Variants in MYOCD observed in about 807,000 individuals in gnomAD.
MYOCD encodes the protein myocardin.
In MYOCD, 32 loss-of-function variants were observed where a neutral mutation model predicts 96.1. The observed-to-expected ratio is 0.33, with a 90% CI of 0.25 to 0.45. The LOEUF (loss-of-function observed/expected upper bound fraction) is 0.45, where lower values mean the gene tolerates loss of function less well. Among genes scored for constraint, MYOCD ranks in the 20% least tolerant of loss-of-function variants. The pLI, the probability that MYOCD is intolerant of heterozygous loss-of-function variation, is 1.00. For synonymous variants in MYOCD, 469 were observed against 469.0 expected, an observed-to-expected ratio of 1.00 and a Z score of 0.00; for missense variants, 1,133 against 1,200.6, an observed-to-expected ratio of 0.94 and a Z score of 0.83.
rs200692645 is a variant in MYOCD, at chr17:12,737,263, GA to G, written c.591+936del. ...AGATTGAAACTCCATCTCAAAGGGG[GA>G]AAAAAAAAGAATAATGATGATTATG... On this transcript the variant is annotated intron_variant, in intron 6 of 13. Coordinates refer to ENST00000425538, the MANE Select transcript of MYOCD (RefSeq NM_001146312.3). Among the ~76,000 whole-genome samples, 223 of 150,594 alleles carry G rather than the reference GA, an allele frequency of 1.5e-3. 6 individuals carry two copies. In the East Asian group the frequency reaches 0.036, roughly 24 times the overall value.
At chr17:12,670,860 T>C (rs1271407836) in intron 1 of MYOCD, among the ~76,000 whole-genome samples, 1 of 152,232 alleles carries the variant, frequency 6.6e-6, no homozygotes, top group Non-Finnish European at 1.5e-5. Context: ...TTTTAATTTC[T>C]ACATGGAATG....
chr17:12,667,920 GAT>G (rs1567563590), intron 1 of MYOCD, among the ~76,000 whole-genome samples: 3 of 152,016 alleles, frequency 2.0e-5, no homozygotes, highest in African/African-American at 7.3e-5. Flanking sequence ...GGGAAAACAT[GAT>G]ATCACAGCAG....
chr17:12,702,957 C>T lies in MYOCD; in HGVS notation c.56-2171C>T, dbSNP rs539644603. ...ATATTTATTAATAGAGTTGCCATTT[C>T]TGACATTCTTTATTCATTCCTGAAT... is the stretch of plus-strand genomic sequence containing the variant. On this transcript the variant is annotated intron_variant, in intron 1 of 13. Coordinates refer to ENST00000425538, the MANE Select transcript of MYOCD (RefSeq NM_001146312.3). Among the ~76,000 whole-genome samples the T allele has an allele frequency of 2.0e-5, 3 of 152,040 alleles. No individual in the cohort carries two copies. The South Asian group carries it at 6.2e-4, about 32-fold the overall frequency.
intron 1 of MYOCD, among the ~76,000 whole-genome samples, chr17:12,689,312 G>A (rs1029201245): frequency 3.3e-5 from 5 of 152,132 alleles, no homozygotes; most frequent in Non-Finnish European, 5.9e-5. Flanking sequence ...TAACTTCTTG[G>A]AAAGAATCCT....
chr17:12,753,788 A>G (rs565363673), intron 10 of MYOCD, among the ~76,000 whole-genome samples: 2 of 152,264 alleles, frequency 1.3e-5, no homozygotes, highest in Non-Finnish European at 2.9e-5. Flanking sequence ...TCGGTGTCCA[A>G]CCTTATCATA....
intron 2 of MYOCD, among the ~76,000 whole-genome samples, chr17:12,712,851 A>C (rs913711737): frequency 2.0e-5 from 3 of 152,228 alleles, no homozygotes; most frequent in Non-Finnish European, 4.4e-5. Flanking sequence ...TTCTTTAAAT[A>C]CAAAATGTTG....
At chr17:12,680,018 T>C (rs1255128553) in intron 1 of MYOCD, among the ~76,000 whole-genome samples, 2 of 152,250 alleles carry the variant, frequency 1.3e-5, no homozygotes, top group Admixed American at 1.3e-4. Flanking sequence ...GCACTTGTTT[T>C]ATAGTCAGAA....
intron 6 of MYOCD, among the ~76,000 whole-genome samples, chr17:12,737,490 C>T (rs925349020): frequency 5.3e-5 from 8 of 152,004 alleles, no homozygotes; most frequent in African/African-American, 9.7e-5. Flanking sequence ...TCAGCCACGC[C>T]GGGGAAATCC....
chr17:12,718,896 G>A (rs137883783), intron 4 of MYOCD, among the ~76,000 whole-genome samples: 1,975 of 152,206 alleles, frequency 0.013, 49 homozygotes, highest in African/African-American at 0.045. Context: ...CTTTCAGGCC[G>A]GGTGTGGTGG....
chr17:12,763,285 A>T lies in MYOCD; in HGVS notation c.2602A>T (p.Met868Leu), dbSNP rs1364387771. 5.0e-6 allele frequency: 8 copies of T among 1,612,980 alleles called. 1 individual carries two copies. The South Asian group carries it at 8.8e-5, about 18-fold the overall frequency. The change falls in exon 14 of 14, where the codon ATG becomes TTG. Residue 868 changes from methionine to leucine, a missense_variant. Coordinates refer to ENST00000425538, the MANE Select transcript of MYOCD (RefSeq NM_001146312.3). ...AAATTCCCAGAGCCCCCTAGGAAAG[A>T]TGAGTGATGTCACCCTTCTAAAAAT... ...LLNSQSPLGKMSDVTLLKIGS... is the reference protein window; with the variant it reads ...LLNSQSPLGKLSDVTLLKIGS...
chr17:12,721,355 T>G (rs925935754), intron 4 of MYOCD, among the ~76,000 whole-genome samples: 1 of 152,138 alleles, frequency 6.6e-6, no homozygotes, highest in Admixed American at 6.5e-5. Flanking sequence ...GCCCAGGAAT[T>G]TATTGCCCAG....
intron 4 of MYOCD, 83 bp downstream of exon 4, chr17:12,717,504 G>A: frequency 9.0e-7 from 1 of 1,114,636 alleles, no homozygotes; most frequent in Non-Finnish European, 1.3e-6. Context: ...CTGTACAGTT[G>A]CTAAGCCCTC....
intron 13 of MYOCD, 32 bp downstream of exon 13, chr17:12,760,739 A>T (rs1395512544): frequency 6.3e-7 from 1 of 1,579,772 alleles, no homozygotes; most frequent in Admixed American, 1.7e-5. Context: ...CCATTAGGAC[A>T]TTCTGAGCCC....
intron 1 of MYOCD, among the ~76,000 whole-genome samples, chr17:12,676,295 A>C (rs989522894): frequency 6.8e-6 from 1 of 146,268 alleles, no homozygotes; most frequent in African/African-American, 2.5e-5. Flanking sequence ...ACACACACAG[A>C]AATGTCTTGA....
chr17:12,675,807 C>T (rs191090098), intron 1 of MYOCD, among the ~76,000 whole-genome samples: 10 of 152,262 alleles, frequency 6.6e-5, no homozygotes, highest in African/African-American at 2.2e-4. Flanking sequence ...TGCAGTGAGA[C>T]GAGATCACGC....
intron 7 of MYOCD, among the ~76,000 whole-genome samples, chr17:12,739,536 G>A (rs2032446055): frequency 6.6e-6 from 1 of 152,180 alleles, no homozygotes; most frequent in African/African-American, 2.4e-5. Context: ...CTCTGCCACG[G>A]AGAAGGCTGT....
chr17:12,738,959 A>G (rs1372519444), intron 6 of MYOCD, among the ~76,000 whole-genome samples: 1 of 151,978 alleles, frequency 6.6e-6, no homozygotes, highest in Non-Finnish European at 1.5e-5. Context: ...TTATATATAT[A>G]TATGTATATA....
At chr17:12,761,018 C>A (rs923386043) in intron 13 of MYOCD, 2 of 266,678 alleles carry the variant, frequency 7.5e-6, no homozygotes, top group African/African-American at 2.2e-5. Context: ...ATGTTCTAAT[C>A]TCAATGCCCC....
At chr17:12,714,323 G>GCACACACA (rs4054959) in intron 2 of MYOCD, among the ~76,000 whole-genome samples, 9,004 of 136,014 alleles carry the variant, frequency 0.066, 340 homozygotes, top group East Asian at 0.13. Flanking sequence ...TGAGGCACGT[G>GCACACACA]CACACACACA....
Sources: allele counts gnomAD v4.1 joint callset (sites outside exome capture counted in the v4.1 genomes callset), GRCh38; gene constraint gnomAD v4.1.1; transcripts MANE v1.5; gene names NCBI Gene and HGNC (gene_info 2026-07-23, HGNC 2026-07-21).